NLRP5: variants seen among roughly 807,000 people sequenced by gnomAD.
The protein encoded by NLRP5 is NACHT, LRR and PYD domains-containing protein 5.
In NLRP5, 93 loss-of-function variants were observed where a neutral mutation model predicts 113.1. The observed-to-expected ratio is 0.82, with a 90% confidence interval of 0.70 to 0.98. The LOEUF (loss-of-function observed/expected upper bound fraction) is 0.98. Ranked by LOEUF, NLRP5 falls within the 50% of genes least tolerant of loss-of-function variation. NLRP5 has a pLI of 0.00. For synonymous variants in NLRP5, 751 were observed against 600.7 expected, an observed-to-expected ratio of 1.25 and a Z score of -3.66; for missense variants, 1,808 against 1,514.3, an observed-to-expected ratio of 1.19 and a Z score of -3.22.
intron 5 of NLRP5, 66 bp downstream of exon 5, chr19:56,019,464 T>C (rs1982533265): frequency 6.0e-6 from 9 of 1,503,854 alleles, no homozygotes; most frequent in Non-Finnish European, 8.3e-6. Context: ...GAAGTGTAAG[T>C]AGTTTAGATT....
chr19:56,036,339 T>A (rs980429289), intron 9 of NLRP5, among the ~76,000 whole-genome samples: 1 of 151,610 alleles, frequency 6.6e-6, no homozygotes. Context: ...AGTGCTGGGA[T>A]TACAGGCTTG....
chr19:56,025,250 C>T (rs1376869360), intron 6 of NLRP5, among the ~76,000 whole-genome samples: 2 of 152,036 alleles, frequency 1.3e-5, no homozygotes, highest in African/African-American at 2.4e-5. Flanking sequence ...TCAAAACCAC[C>T]CCCTTCCACC....
chr19:56,027,209 C>T lies in NLRP5; in HGVS notation c.976C>T (p.Arg326Trp), dbSNP rs759300867. The T allele has an allele frequency of 7.4e-6, 12 of 1,611,288 alleles. No homozygotes were observed. The highest frequency in any genetic ancestry group is 6.7e-5 in the East Asian group (3 of 44,816). ...CTTCCTCCCCGTTAGAGAGATGCAG[C>T]GGAAGAAGGAGAGCAGTGTCACAGA... Residue 326 changes from arginine (R) to tryptophan (W), a missense_variant, in exon 7 of 15, where the codon CGG (arginine) becomes TGG (tryptophan). Physicochemically the swap from Arg to Trp is moderately radical, Grantham distance 101. Transcript: ENST00000390649.
At chr19:56,003,508 G>A (rs1223853580) in intron 1 of NLRP5, among the ~76,000 whole-genome samples, 2 of 152,166 alleles carry the variant, frequency 1.3e-5, no homozygotes, top group Non-Finnish European at 2.9e-5. Flanking sequence ...TGGCATGCAC[G>A]TCCAATTTTA....
intron 11 of NLRP5, among the ~76,000 whole-genome samples, chr19:56,043,258 C>G (rs1190885805): frequency 6.6e-6 from 1 of 152,042 alleles, no homozygotes; most frequent in Non-Finnish European, 1.5e-5. Flanking sequence ...CCACATCCAC[C>G]CCAGCATCTA....
At chr19:56,006,367 A>G (rs922745828) in intron 2 of NLRP5, among the ~76,000 whole-genome samples, 6 of 152,156 alleles carry the variant, frequency 3.9e-5, no homozygotes, top group Non-Finnish European at 8.8e-5. Context: ...TAGCACATGT[A>G]TACATATGTA....
intron 11 of NLRP5, among the ~76,000 whole-genome samples, chr19:56,046,757 C>G (rs1270904309): frequency 6.6e-6 from 1 of 152,100 alleles, no homozygotes; most frequent in African/African-American, 2.4e-5. Flanking sequence ...TGGTCTCGAT[C>G]TCCTGACCTC....
At position 56,003,746 on chromosome 19, in the gene NLRP5, C is replaced by T. The variant is rs746717412; in HGVS notation, c.93C>T (p.Cys31=). ...TCACTCTTTCCACAGGTCCTACTTG[C>T]TCTATATTACCAAAGAATCCACTTT... The change falls in exon 2 of 15, where the codon TGC becomes TGT. Residue 31 remains cysteine (C), a synonymous_variant. Coordinates refer to ENST00000390649, the MANE Select transcript of NLRP5 (RefSeq NM_153447.4). The T allele has an allele frequency of 3.1e-6, 5 of 1,612,132 alleles. No individual in the cohort carries two copies. Among genetic ancestry groups the T allele is most frequent in the South Asian group, 2.2e-5 (2 of 90,772 alleles).
intron 2 of NLRP5, among the ~76,000 whole-genome samples, chr19:56,005,745 G>A (rs1345295618): frequency 6.6e-6 from 1 of 152,178 alleles, no homozygotes; most frequent in African/African-American, 2.4e-5. Flanking sequence ...TGGAAAAAAG[G>A]CCCAGTGTGG....
chr19:56,036,575 G>A (rs1983325871), intron 9 of NLRP5, among the ~76,000 whole-genome samples: 1 of 152,206 alleles, frequency 6.6e-6, no homozygotes, highest in African/African-American at 2.4e-5. Context: ...GCCAGCACAG[G>A]GAGAGCAGAA....
chr19:55,992,705 C>T, the NLRP5 span, among the ~76,000 whole-genome samples: 379 of 152,276 alleles, frequency 2.5e-3, 4 homozygotes, highest in African/African-American at 8.9e-3. Context: ...CAGCTAAGCA[C>T]GGGTGGCAGA....
At chr19:56,025,837 C>G (rs1473155046) in intron 6 of NLRP5, among the ~76,000 whole-genome samples, 3 of 152,082 alleles carry the variant, frequency 2.0e-5, no homozygotes, top group Non-Finnish European at 4.4e-5. Context: ...GTGGCTCCCT[C>G]AAGTTCCCCT....
upstream of NLRP5, among the ~76,000 whole-genome samples, chr19:55,998,694 ATATATATATGTGTGTGTGTG>A (rs1981446163): frequency 1.7e-5 from 1 of 58,078 alleles, no homozygotes; most frequent in African/African-American, 7.6e-5. Flanking sequence ...ATATATATAT[ATATATATATGTGTGTGTGTG>A]TATATATATA....
rs1346639725 is a variant in NLRP5 at position 56,026,982 on chromosome 19, G to C, written c.749G>C (p.Arg250Pro). The change falls in exon 7 of 15, where the codon CGT becomes CCT. Residue 250 changes from arginine to proline, a missense_variant. By Grantham distance (103) the Arg-to-Pro change is moderately radical. Coordinates refer to ENST00000390649, the MANE Select transcript of NLRP5 (RefSeq NM_153447.4). ...AAATTCGCTGAGGAGGAGGATGTACGTCGTAGTTTTGAAAACACTGCTGCT... is the reference window on the plus strand; with the variant it reads ...AAATTCGCTGAGGAGGAGGATGTACCTCGTAGTTTTGAAAACACTGCTGCT... 1.3e-6 allele frequency: 2 copies of C among 1,551,746 alleles called. No individual in the cohort carries two copies. Among genetic ancestry groups the C allele is most frequent in the Non-Finnish European group, 1.7e-6 (2 of 1,147,012 alleles).
rs1170229794 is a variant in NLRP5, at chr19:56,033,652, A to ATG, written c.2560_2561dup (p.Arg855Ter). 1 of 1,613,812 alleles carries ATG rather than the reference A, an allele frequency of 6.2e-7. No individual in the cohort carries two copies. Among genetic ancestry groups the ATG allele is most frequent in the African/African-American group, 1.3e-5 (1 of 74,928 alleles). Reference sequence around the variant, plus strand: ...GGAGGCACCCACCTGAAGGAAGAGGATGTAAGGATGGCGTGTGAAGCCTTA... The same window carrying ATG: ...GGAGGCACCCACCTGAAGGAAGAGGATGTGTAAGGATGGCGTGTGAAGCCTTA... On this transcript the variant is annotated frameshift_variant, in exon 9 of 15. Coordinates refer to ENST00000390649, the MANE Select transcript of NLRP5 (RefSeq NM_153447.4). LOFTEE classifies it high-confidence loss of function.
At position 56,058,326 on chromosome 19, in the gene NLRP5, T is replaced by C. The variant is rs373353329; in HGVS notation, c.3386T>C (p.Leu1129Pro). The C allele has an allele frequency of 4.3e-5, 70 of 1,613,856 alleles. No homozygotes were observed. The highest frequency in any genetic ancestry group is 5.5e-5 in the Non-Finnish European group (65 of 1,179,842). ...AACCGGCATCTGACCAGTCTAAACCTGGTGCAGAATAACTTCAGTCCCAAA... is the reference window on the plus strand; with the variant it reads ...AACCGGCATCTGACCAGTCTAAACCCGGTGCAGAATAACTTCAGTCCCAAA... The change falls in exon 14 of 15, where the codon CTG (leucine) becomes CCG (proline). Residue 1129 changes from leucine to proline, a missense_variant. Physicochemically the swap from Leu to Pro is moderately conservative, Grantham distance 98 (BLOSUM62 -3). Coordinates refer to ENST00000390649, the MANE Select transcript of NLRP5 (RefSeq NM_153447.4).
chr19:56,052,256 T>C (rs1983958589), intron 12 of NLRP5, among the ~76,000 whole-genome samples: 1 of 112,488 alleles, frequency 8.9e-6, no homozygotes, highest in Admixed American at 8.5e-5. Flanking sequence ...GTTTTGTTTT[T>C]GTTTTTGTTT....
rs1490307336 is a variant in NLRP5, at chr19:56,061,620, C to T, written c.*92C>T. 6.7e-6 allele frequency: 9 copies of T among 1,347,952 alleles called. No individual in the cohort carries two copies. Among genetic ancestry groups the T allele is most frequent in the Non-Finnish European group, 9.4e-6 (9 of 955,720 alleles). 83.5% of individuals were successfully genotyped at this position (1,347,952 alleles called of 1,614,324 possible). A position where few individuals can be genotyped will look rare whatever the true frequency, so the allele number is the denominator to read the frequency against. ...CAAGCTATGCACCTGGGAGTTCCTT[C>T]TCAAAGATGGAGAATGATTTCTGAT... On this transcript the variant is annotated 3_prime_UTR_variant, in exon 15 of 15. Coordinates refer to ENST00000390649, the MANE Select transcript of NLRP5 (RefSeq NM_153447.4).
chr19:55,999,846 C>T (rs1337135940), intron 1 of NLRP5: 7 of 1,298,670 alleles, frequency 5.4e-6, no homozygotes, highest in Non-Finnish European at 7.8e-6. Flanking sequence ...GGTACCATGA[C>T]ACACGGATCG....
Sources: allele counts gnomAD v4.1 joint callset (sites outside exome capture counted in the v4.1 genomes callset), GRCh38; gene constraint gnomAD v4.1.1; transcripts MANE v1.5; gene names NCBI Gene and HGNC (gene_info 2026-07-23, HGNC 2026-07-21).